The following THOC2 variants were observed in gnomAD, a reference collection of about 807,000 sequenced individuals.
THOC2 encodes THO complex 2.
Under a neutral mutation model 128.4 loss-of-function variants are expected in THOC2, and 10 were observed. The observed-to-expected ratio is 0.08, with a 90% CI of 0.05 to 0.13. The LOEUF is 0.13. Ranked by LOEUF, THOC2 falls within the 10% of genes least tolerant of loss-of-function variation. The pLI is 1.00. For missense variants in THOC2, 535 were observed against 1,155.7 expected (o/e 0.46, Z 7.79); for synonymous variants, 393 against 396.9 (o/e 0.99, Z 0.12).
At chrX:123,703,907 A>T (rs2050815948) in intron 3 of THOC2, among the ~76,000 whole-genome samples, 1 of 104,884 alleles carries the variant, frequency 9.5e-6, no homozygotes, top group African/African-American at 3.5e-5. Context: ...AAAAAAAAAA[A>T]AAAAAATTGA....
At chrX:123,626,248 T>A (rs1263274935) in intron 24 of THOC2, among the ~76,000 whole-genome samples, 179 bp from the exon 25 acceptor site, 2 of 111,731 alleles carry the variant, frequency 1.8e-5, no homozygotes, top group Non-Finnish European at 3.8e-5. Context: ...GTGGACCTTT[T>A]TTTCTATGAT....
intron 12 of THOC2, among the ~76,000 whole-genome samples, chrX:123,648,664 G>T (rs769737079): frequency 9.4e-6 from 1 of 106,667 alleles, no homozygotes; most frequent in East Asian, 3.0e-4. Context: ...TTGAGTAGGC[G>T]GGTTTTCCCC....
At chrX:123,668,670 C>T (rs906670930) in intron 9 of THOC2, among the ~76,000 whole-genome samples, 1 of 111,905 alleles carries the variant, frequency 8.9e-6, no homozygotes, top group Non-Finnish European at 1.9e-5. Context: ...CCATTAAAGG[C>T]TAAACTCCAA....
intron 21 of THOC2, 55 bp downstream of exon 21, chrX:123,632,806 C>T (rs1259650183): frequency 1.0e-6 from 1 of 976,251 alleles, no homozygotes; most frequent in Non-Finnish European, 1.4e-6. Context: ...ACACATTATC[C>T]TCCTTTAACA....
intron 1 of THOC2, among the ~76,000 whole-genome samples, chrX:123,717,822 T>TC (rs1389665907): frequency 8.9e-6 from 1 of 112,046 alleles, no homozygotes; most frequent in Admixed American, 9.5e-5. Flanking sequence ...CAGGACCATC[T>TC]CCCACACACA....
chrX:123,604,871 C>G (rs1430022331), intron 38 of THOC2, among the ~76,000 whole-genome samples: 1 of 112,018 alleles, frequency 8.9e-6, no homozygotes, highest in Non-Finnish European at 1.9e-5. Flanking sequence ...TTACTAGTGT[C>G]TGAAACTGTC....
At chrX:123,628,867 ACATCC>A (rs1412490592) in intron 22 of THOC2, among the ~76,000 whole-genome samples, 1 of 110,622 alleles carries the variant, frequency 9.0e-6, no homozygotes, top group African/African-American at 3.3e-5. Flanking sequence ...AAAACTGGGA[ACATCC>A]CAGGCAAACC....
intron 38 of THOC2, among the ~76,000 whole-genome samples, chrX:123,604,202 G>C (rs113606374): frequency 3.6e-5 from 4 of 111,851 alleles, no homozygotes; most frequent in African/African-American, 1.3e-4. Context: ...ATAGTCTGCT[G>C]TTCTCCATCA....
At chrX:123,674,069 G>A (rs1228716945) in intron 8 of THOC2, among the ~76,000 whole-genome samples, 1 of 111,826 alleles carries the variant, frequency 8.9e-6, no homozygotes, top group Non-Finnish European at 1.9e-5. Context: ...CTGTTGTTGT[G>A]TGTAATGTTC....
chrX:123,623,443 C>A, intron 28 of THOC2, 160 bp from the exon 29 acceptor site: 3 of 612,517 alleles, frequency 4.9e-6, no homozygotes, highest in Non-Finnish European at 7.1e-6. Context: ...TTTTATAGAA[C>A]GCCCAGCTTT....
At chrX:123,619,762 C>A (rs2047017927) in intron 32 of THOC2, 1 of 153,751 alleles carries the variant, frequency 6.5e-6, no homozygotes, top group African/African-American at 3.1e-5. Context: ...ACATTTTTTT[C>A]TCCACAAAAA....
intron 38 of THOC2, chrX:123,602,637 C>T (rs1275565051): frequency 9.0e-6 from 1 of 111,616 alleles, no homozygotes; most frequent in Admixed American, 9.5e-5. Context: ...GACAGAAATG[C>T]TCTGGAATTA....
chrX:123,685,748 TAAC>T (rs1326208841), intron 8 of THOC2, among the ~76,000 whole-genome samples: 2 of 111,610 alleles, frequency 1.8e-5, no homozygotes, highest in Non-Finnish European at 3.8e-5. Context: ...AAAGCAACAA[TAAC>T]AATAATATGA....
chrX:123,645,301 T>C, intron 13 of THOC2, 33 bp downstream of exon 13: 3 of 1,053,460 alleles, frequency 2.8e-6, no homozygotes, highest in Non-Finnish European at 3.9e-6. Flanking sequence ...AGACAAACAT[T>C]AGACACATTA....
intron 17 of THOC2, 29 bp downstream of exon 17, chrX:123,638,905 T>G (rs768223258): frequency 1.2e-6 from 1 of 842,993 alleles, no homozygotes; most frequent in African/African-American, 2.1e-5. Context: ...AAATATGAAA[T>G]CTACATATTA....
chrX:123,688,561 T>C (rs1177609370), intron 7 of THOC2, among the ~76,000 whole-genome samples: 1 of 110,570 alleles, frequency 9.0e-6, no homozygotes, highest in Non-Finnish European at 1.9e-5. Flanking sequence ...CAAAACCCTG[T>C]CACTACAAAA....
intron 29 of THOC2, 25 bp from the exon 30 acceptor site, chrX:123,622,885 T>A (rs771119794): frequency 9.3e-7 from 1 of 1,071,549 alleles, no homozygotes; most frequent in South Asian, 2.1e-5. Context: ...AGGTTTTATT[T>A]AACAAGCCCC....
intron 1 of THOC2, among the ~76,000 whole-genome samples, chrX:123,716,293 A>G (rs756891989): frequency 2.0e-4 from 23 of 112,825 alleles, no homozygotes; most frequent in Non-Finnish European, 3.6e-4. Flanking sequence ...ACAATTAACT[A>G]TAGAGGCTGA....
At chrX:123,719,890 C>T (rs1189372088) in intron 1 of THOC2, among the ~76,000 whole-genome samples, 1 of 110,620 alleles carries the variant, frequency 9.0e-6, no homozygotes, top group Admixed American at 9.7e-5. Flanking sequence ...GATTTCACTA[C>T]AGCACTCCAG....
Sources: gnomAD v4.1 joint callset for allele counts (sites outside exome capture counted in the v4.1 genomes callset) on GRCh38, gnomAD v4.1.1 for gene constraint, MANE v1.5 for transcripts, NCBI Gene and HGNC (gene_info 2026-07-23, HGNC 2026-07-21) for gene names.